The following EDNRB variants were observed in gnomAD, a reference collection of about 807,000 sequenced individuals.
EDNRB encodes the protein Hirschsprung disease 2.
In EDNRB, 18 loss-of-function variants were observed where a neutral mutation model predicts 46.4. That is an observed-to-expected ratio of 0.39 (90% CI 0.27 to 0.57). The LOEUF is 0.57. EDNRB is among the 20% of genes least tolerant of loss of function. The probability of loss-of-function intolerance (pLI) is 0.61; values close to 1 mark genes in which losing one functional copy is unlikely to be tolerated. For missense variants in EDNRB, 434 were observed against 537.5 expected, an observed-to-expected ratio of 0.81 and a Z score of 1.90; for synonymous variants, 213 against 204.9, an observed-to-expected ratio of 1.04 and a Z score of -0.34.
intron 1 of EDNRB, among the ~76,000 whole-genome samples, chr13:77,959,361 G>A (rs925313262): frequency 1.2e-4 from 19 of 152,308 alleles, no homozygotes; most frequent in African/African-American, 3.6e-4. Context: ...GGAACGATCA[G>A]GCAGCAACAT....
chr13:77,967,360 C>T (rs551925566), intron 1 of EDNRB, among the ~76,000 whole-genome samples: 5 of 152,134 alleles, frequency 3.3e-5, no homozygotes, highest in East Asian at 3.8e-4. Flanking sequence ...AACCCTACAG[C>T]GAACTTTCTC....
intron 1 of EDNRB, among the ~76,000 whole-genome samples, chr13:77,970,588 T>A (rs1029598614): frequency 1.3e-4 from 20 of 152,126 alleles, no homozygotes; most frequent in East Asian, 3.9e-4. Flanking sequence ...TATTATCTTT[T>A]TTATTATTAT....
chr13:77,950,005 C>A (rs141899390), intron 1 of EDNRB, among the ~76,000 whole-genome samples: 277 of 152,248 alleles, frequency 1.8e-3, no homozygotes, highest in African/African-American at 6.3e-3. Flanking sequence ...ATACCTCCTG[C>A]CTGATATATA....
intron 1 of EDNRB, among the ~76,000 whole-genome samples, chr13:77,954,575 G>A (rs1004615469): frequency 1.1e-4 from 16 of 151,528 alleles, no homozygotes; most frequent in African/African-American, 3.6e-4. Flanking sequence ...GTAGTGGCAC[G>A]ATCTCGGCTC....
upstream of EDNRB, among the ~76,000 whole-genome samples, chr13:77,922,523 G>A (rs545309767): frequency 2.8e-4 from 43 of 152,270 alleles, no homozygotes; most frequent in Middle Eastern, 3.4e-3. Flanking sequence ...CAAGGTGTGC[G>A]AAAAACACAG....
At chr13:77,899,612 G>A in intron 6 of EDNRB, 2 of 416,676 alleles carry the variant, frequency 4.8e-6, no homozygotes, top group Non-Finnish European at 8.8e-6. Context: ...TTACTTTTTG[G>A]TCAACAATTC....
intron 6 of EDNRB, among the ~76,000 whole-genome samples, chr13:77,899,313 A>T (rs1878804563): frequency 6.6e-6 from 1 of 151,940 alleles, no homozygotes; most frequent in Non-Finnish European, 1.5e-5. Flanking sequence ...GAATGAATAG[A>T]AGGATGATAA....
chr13:77,949,137 A>G (rs1360299402), intron 1 of EDNRB, among the ~76,000 whole-genome samples: 1 of 152,192 alleles, frequency 6.6e-6, no homozygotes, highest in East Asian at 1.9e-4. Context: ...ACAGTCTATG[A>G]TATTACAGAA....
intron 1 of EDNRB, among the ~76,000 whole-genome samples, chr13:77,949,579 A>G (rs996136925): frequency 1.3e-5 from 2 of 152,162 alleles, no homozygotes; most frequent in African/African-American, 4.8e-5. Flanking sequence ...ACCTTAATTG[A>G]CACACTGAGT....
chr13:77,898,573 A>C (rs935443613), intron 6 of EDNRB, among the ~76,000 whole-genome samples: 3 of 152,076 alleles, frequency 2.0e-5, no homozygotes, highest in African/African-American at 7.2e-5. Context: ...CAACAAGAGA[A>C]AGCCACTTTT....
rs1479708228 is a variant in EDNRB at position 77,944,714 on chromosome 13, G to C, written c.-51-26090C>G. On this transcript the variant is annotated intron_variant, in intron 1 of 7. Transcript: ENST00000646948. ...AAAATGAACAGGATTTCTAAAGGCA[G>C]AATGGAGGGAGTAGTGTTTCCAGGC... 2.0e-5 allele frequency: 3 copies of C among 152,210 alleles called. No individual in the cohort carries two copies. In the South Asian group the frequency reaches 6.2e-4, roughly 32 times the overall value. The allele number at this position is 152,210 out of a possible 1,614,324, so 9.4% of individuals were successfully genotyped here. A position where few individuals can be genotyped will look rare whatever the true frequency, so the allele number is the denominator to read the frequency against.
At chr13:77,940,059 G>T (rs1880699093) in intron 1 of EDNRB, 1 of 151,920 alleles carries the variant, frequency 6.6e-6, no homozygotes, top group Non-Finnish European at 1.5e-5. Context: ...ACAGACCCAT[G>T]TTCTTATAAA....
intron 1 of EDNRB, among the ~76,000 whole-genome samples, chr13:77,931,428 A>G (rs1447300125): frequency 6.6e-6 from 1 of 152,210 alleles, no homozygotes; most frequent in East Asian, 1.9e-4. Context: ...GATATAATCC[A>G]GCCTTACTGG....
At chr13:77,923,592 A>G (rs549867129), upstream of EDNRB, among the ~76,000 whole-genome samples, 6 of 152,332 alleles carry the variant, frequency 3.9e-5, no homozygotes, top group South Asian at 1.0e-3. Context: ...AATATAATTT[A>G]TAATGAGTTT....
At chr13:77,932,260 G>A (rs1880429690) in intron 1 of EDNRB, among the ~76,000 whole-genome samples, 1 of 152,104 alleles carries the variant, frequency 6.6e-6, no homozygotes, top group African/African-American at 2.4e-5. Context: ...ACAGCTTTAT[G>A]TCTTTTTCAA....
At chr13:77,928,056 G>C (rs955730456) in intron 1 of EDNRB, among the ~76,000 whole-genome samples, 7 of 152,194 alleles carry the variant, frequency 4.6e-5, no homozygotes, top group Non-Finnish European at 1.0e-4. Flanking sequence ...CAGCCATGTG[G>C]ATCTGTGAAT....
chr13:77,974,160 G>C (rs1003881731), intron 1 of EDNRB, among the ~76,000 whole-genome samples: 2 of 151,676 alleles, frequency 1.3e-5, no homozygotes, highest in Non-Finnish European at 2.9e-5. Flanking sequence ...ACTTAGAATT[G>C]GTATAGATGG....
At chr13:77,943,421 T>C (rs1801147881) in intron 1 of EDNRB, among the ~76,000 whole-genome samples, 1 of 152,150 alleles carries the variant, frequency 6.6e-6, no homozygotes, top group Non-Finnish European at 1.5e-5. Context: ...AACTTAGCTA[T>C]TGCTTTACTG....
At chr13:77,931,772 A>C (rs569922065) in intron 1 of EDNRB, among the ~76,000 whole-genome samples, 16 of 143,096 alleles carry the variant, frequency 1.1e-4, no homozygotes, top group East Asian at 2.7e-4. Flanking sequence ...AAAAAAAAAA[A>C]AACAAAAAAA....
Sources: allele counts gnomAD v4.1 joint callset (sites outside exome capture counted in the v4.1 genomes callset), GRCh38; gene constraint gnomAD v4.1.1; transcripts MANE v1.5; gene names NCBI Gene and HGNC (gene_info 2026-07-23, HGNC 2026-07-21).